Variants in EYS observed in about 807,000 individuals in gnomAD.
EYS encodes EGF-like photoreceptor maintenance factor, also known as protein eyes shut homolog.
A neutral mutation model predicts 282.1 loss-of-function variants in EYS; 250 were observed. That is an observed-to-expected ratio of 0.89 (90% CI 0.80 to 0.98). The LOEUF (loss-of-function observed/expected upper bound fraction) is 0.98, where lower values mean the gene tolerates loss of function less well. Among genes scored for constraint, EYS ranks in the 50% least tolerant of loss-of-function variants. EYS has a pLI of 0.00. For missense variants in EYS, 4,016 were observed against 3,709.0 expected, an observed-to-expected ratio of 1.08 and a Z score of -2.15; for synonymous variants, 1,355 against 1,282.9, an observed-to-expected ratio of 1.06 and a Z score of -1.20.
intron 19 of EYS, among the ~76,000 whole-genome samples, chr6:64,864,185 A>G (rs573776019): frequency 6.6e-6 from 1 of 152,156 alleles, no homozygotes; most frequent in African/African-American, 2.4e-5. Flanking sequence ...TAAGTCATAC[A>G]TAGATCTATT....
chr6:64,766,631 C>CAAAAAAAAAAAAA (rs1173014436), intron 22 of EYS, among the ~76,000 whole-genome samples: 5 of 14,834 alleles, frequency 3.4e-4, no homozygotes, highest in Non-Finnish European at 4.3e-4. Flanking sequence ...AACTCCGTCT[C>CAAAAAAAAAAAAA]AAAAAAAAAA....
chr6:64,978,594 C>A (rs577694136), intron 14 of EYS, among the ~76,000 whole-genome samples: 4 of 151,922 alleles, frequency 2.6e-5, no homozygotes, highest in Admixed American at 2.0e-4. Flanking sequence ...ATTCATAATG[C>A]TATAGCTGCT....
chr6:65,103,135 G>A (rs761498087), intron 12 of EYS, among the ~76,000 whole-genome samples: 20 of 151,522 alleles, frequency 1.3e-4, no homozygotes, highest in Non-Finnish European at 1.6e-4. Context: ...AGTAACTGGG[G>A]AGAGGGTCAA....
At chr6:64,135,905 A>T (rs974857764) in intron 31 of EYS, among the ~76,000 whole-genome samples, 2 of 152,012 alleles carry the variant, frequency 1.3e-5, no homozygotes, top group East Asian at 1.9e-4. Flanking sequence ...GGCTATGGGC[A>T]TTTCTTAAAA....
chr6:65,150,152 C>A (rs900063166), intron 12 of EYS, among the ~76,000 whole-genome samples: 1 of 151,986 alleles, frequency 6.6e-6, no homozygotes, highest in Non-Finnish European at 1.5e-5. Context: ...TGGGTGGGAG[C>A]ACAGCCAAGC....
intron 19 of EYS, among the ~76,000 whole-genome samples, chr6:64,829,437 T>C (rs190598466): frequency 1.0e-3 from 154 of 152,092 alleles, no homozygotes; most frequent in Non-Finnish European, 1.8e-3. Context: ...ACACACTTAA[T>C]GGTCAGCCTT....
At chr6:65,597,028 T>A (rs909299076) in intron 2 of EYS, among the ~76,000 whole-genome samples, 11 of 152,012 alleles carry the variant, frequency 7.2e-5, no homozygotes, top group Admixed American at 2.6e-4. Context: ...TCACAAAGGA[T>A]CAGAAGTTCA....
chr6:64,867,554 C>T (rs540556734), intron 19 of EYS, among the ~76,000 whole-genome samples: 25 of 151,824 alleles, frequency 1.6e-4, no homozygotes, highest in African/African-American at 6.0e-4. Context: ...TATCAATATT[C>T]CATTGTCAAT....
intron 22 of EYS, among the ~76,000 whole-genome samples, chr6:64,704,752 C>A (rs369046407): frequency 1.3e-5 from 2 of 151,956 alleles, no homozygotes; most frequent in South Asian, 4.1e-4. Context: ...AATGACTTCA[C>A]GAGTTACAGC....
Position 65,032,966 on chromosome 6 carries a change from T to C in EYS, c.2137+24648A>G, listed in dbSNP as rs975530745. Among the ~76,000 whole-genome samples, 2 of 152,192 alleles carry C rather than the reference T, an allele frequency of 1.3e-5. 1 individual carries two copies. The highest frequency in any genetic ancestry group is 4.1e-4 in the South Asian group (2 of 4,832). On this transcript the variant is annotated intron_variant, in intron 13 of 42. Transcript: ENST00000503581. ...AAGCCCAGGTTGCTGAGGTCTCAGA[T>C]GGAAATGACGAACTTATTGAGAACT...
At chr6:64,352,862 A>T (rs941928191) in intron 29 of EYS, among the ~76,000 whole-genome samples, 1 of 151,460 alleles carries the variant, frequency 6.6e-6, no homozygotes, top group Non-Finnish European at 1.5e-5. Context: ...CTTCTTGCTC[A>T]ACTCCTTCCA....
chr6:65,605,382 A>G (rs1765750197), intron 2 of EYS, among the ~76,000 whole-genome samples: 1 of 151,966 alleles, frequency 6.6e-6, no homozygotes, highest in Admixed American at 6.6e-5. Context: ...GTCTTGAAAG[A>G]AGAAAATAAA....
intron 29 of EYS, among the ~76,000 whole-genome samples, chr6:64,360,500 T>C (rs614758): frequency 0.69 from 103,971 of 151,498 alleles, 35,722 homozygotes; most frequent in South Asian, 0.71. Flanking sequence ...TTGGTGCTAT[T>C]CCTGACCTGG....
At chr6:64,767,775 A>AT (rs889138878) in intron 22 of EYS, among the ~76,000 whole-genome samples, 35 of 152,080 alleles carry the variant, frequency 2.3e-4, no homozygotes, top group African/African-American at 4.1e-4. Context: ...TGATATACTG[A>AT]TTTTTTTCCT....
chr6:64,272,762 G>A (rs1767985723), intron 30 of EYS, among the ~76,000 whole-genome samples: 1 of 151,956 alleles, frequency 6.6e-6, no homozygotes, highest in Non-Finnish European at 1.5e-5. Flanking sequence ...CAGCTTAATA[G>A]TATAAATCTC....
intron 5 of EYS, among the ~76,000 whole-genome samples, chr6:65,456,739 A>G (rs1329748958): frequency 6.6e-6 from 1 of 152,090 alleles, no homozygotes; most frequent in Non-Finnish European, 1.5e-5. Context: ...AAACCTCACA[A>G]CAAATTAGAA....
chr6:65,347,485 T>C (rs974650930), intron 9 of EYS, among the ~76,000 whole-genome samples: 2 of 151,794 alleles, frequency 1.3e-5, no homozygotes, highest in Non-Finnish European at 2.9e-5. Flanking sequence ...TTTACTTGTC[T>C]TGTAGTGAAA....
intron 5 of EYS, among the ~76,000 whole-genome samples, chr6:65,474,962 G>A (rs1488543715): frequency 6.6e-6 from 1 of 151,978 alleles, no homozygotes; most frequent in African/African-American, 2.4e-5. Context: ...CTGAGGATAA[G>A]AAGAACATAG....
intron 22 of EYS, among the ~76,000 whole-genome samples, chr6:64,710,792 T>G (rs1046444302): frequency 6.6e-6 from 1 of 152,230 alleles, no homozygotes; most frequent in African/African-American, 2.4e-5. Context: ...ATTTACTTCA[T>G]GTTGCCATGT....
Sources: gnomAD v4.1 joint callset for allele counts (sites outside exome capture counted in the v4.1 genomes callset) on GRCh38, gnomAD v4.1.1 for gene constraint, MANE v1.5 for transcripts, NCBI Gene and HGNC (gene_info 2026-07-23, HGNC 2026-07-21) for gene names.